WDR41: variants seen among roughly 807,000 people sequenced by gnomAD.
The protein encoded by WDR41 is WD repeat-containing protein 41.
Under a neutral mutation model 69.3 loss-of-function variants are expected in WDR41, and 63 were observed. The ratio of observed to expected loss-of-function variants is 0.91; its 90% confidence interval spans 0.74 to 1.12. The LOEUF (loss-of-function observed/expected upper bound fraction) is 1.12. Among genes scored for constraint, WDR41 ranks in the 50% most tolerant of loss-of-function variants. WDR41 has a pLI of 0.00. For synonymous variants in WDR41, 185 were observed against 192.1 expected (o/e 0.96, Z 0.31); for missense variants, 543 against 534.5 (o/e 1.02, Z -0.16).
chr5:77,613,112 G>A (rs1744597358), intron 1 of WDR41, among the ~76,000 whole-genome samples: 1 of 151,632 alleles, frequency 6.6e-6, no homozygotes, highest in Non-Finnish European at 1.5e-5. Flanking sequence ...TCTTCAAGGA[G>A]AACTACAAAC....
intron 9 of WDR41, 133 bp from the exon 10 acceptor site, chr5:77,438,494 G>C (rs1283862458): frequency 7.8e-6 from 10 of 1,288,214 alleles, no homozygotes; most frequent in Non-Finnish European, 1.0e-5. Flanking sequence ...CCAAATTACA[G>C]TACTAATCTC....
rs115828169 is a variant in WDR41, at chr5:77,450,403, A to G, written c.587-533T>C. On this transcript the variant is annotated intron_variant, in intron 7 of 12. Transcript: ENST00000296679. Reference sequence around the variant, plus strand: ...TCTGAGTATGTCTTATAATGTTTATATATCATACAGTTCTTCTGACTATAG... The same window carrying G: ...TCTGAGTATGTCTTATAATGTTTATGTATCATACAGTTCTTCTGACTATAG... Among the ~76,000 whole-genome samples, 414 of 152,336 alleles carry G rather than the reference A, an allele frequency of 2.7e-3. 2 individuals are homozygous for G. The highest frequency in any genetic ancestry group is 9.3e-3 in the African/African-American group (385 of 41,578).
At chr5:77,606,905 G>GA (rs1195622632) in intron 1 of WDR41, among the ~76,000 whole-genome samples, 4,572 of 85,638 alleles carry the variant, frequency 0.053, 77 homozygotes, top group South Asian at 0.094. Flanking sequence ...CAATGAAAAA[G>GA]AAAAAAAAAA....
intron 2 of WDR41, among the ~76,000 whole-genome samples, chr5:77,474,953 G>A (rs1030097792): frequency 6.6e-6 from 1 of 152,180 alleles, no homozygotes; most frequent in Non-Finnish European, 1.5e-5. Flanking sequence ...AGGTCAGTGG[G>A]TGCGTGCACC....
chr5:77,450,716 G>A (rs1799592939), intron 7 of WDR41, among the ~76,000 whole-genome samples: 1 of 152,192 alleles, frequency 6.6e-6, no homozygotes, highest in Non-Finnish European at 1.5e-5. Flanking sequence ...ACCAGGTGCT[G>A]TGGATGCTCA....
At chr5:77,586,141 T>C (rs1225834907) in intron 1 of WDR41, among the ~76,000 whole-genome samples, 1 of 152,096 alleles carries the variant, frequency 6.6e-6, no homozygotes, top group Non-Finnish European at 1.5e-5. Flanking sequence ...TAAATAACTT[T>C]TCATTTGCAA....
At chr5:77,611,815 G>A (rs981564225) in intron 1 of WDR41, among the ~76,000 whole-genome samples, 18 of 144,428 alleles carry the variant, frequency 1.2e-4, no homozygotes, top group African/African-American at 4.5e-4. Context: ...AGGAAATAGA[G>A]ACACAAAAAA....
intron 1 of WDR41, among the ~76,000 whole-genome samples, chr5:77,520,270 A>G (rs1478691895): frequency 6.6e-6 from 1 of 152,216 alleles, no homozygotes; most frequent in East Asian, 1.9e-4. Flanking sequence ...TAATCTCTTT[A>G]GAACCATTAT....
chr5:77,437,198 A>G lies in WDR41; in HGVS notation c.1093+138T>C, dbSNP rs1366081774. 8.4e-6 allele frequency: 6 copies of G among 711,076 alleles called. No homozygotes were observed. In the East Asian group the frequency reaches 1.0e-4, roughly 12 times the overall value. 44.0% of individuals were successfully genotyped at this position (711,076 alleles called of 1,614,324 possible). A position where few individuals can be genotyped will look rare whatever the true frequency, so the allele number is the denominator to read the frequency against. The stretch of plus-strand genomic sequence containing the variant: ...GTAAATCCTAGATCTCAATTACCAT[A>G]TGCTTTCTATAAACATCTGATGCCT... On this transcript the variant is annotated intron_variant, in intron 11 of 12. Coordinates refer to ENST00000296679, the MANE Select transcript of WDR41 (RefSeq NM_018268.4).
intron 1 of WDR41, among the ~76,000 whole-genome samples, chr5:77,592,979 C>T (rs377289173): frequency 1.3e-5 from 2 of 152,270 alleles, no homozygotes; most frequent in East Asian, 3.9e-4. Flanking sequence ...TGTCATGACC[C>T]ACATTCCCAG....
In WDR41 at chr5:77,600,762, C is replaced by T. The variant is rs577672226; in HGVS notation, c.42+19717G>A. 8.5e-5 allele frequency among the ~76,000 whole-genome samples: 13 copies of T among 152,146 alleles called. No homozygotes were observed. In the East Asian group the frequency reaches 2.5e-3, roughly 29 times the overall value. ...GGGGGCAGTGGCAGGTGCCTGTAAT[C>T]CCAACTACTCAGGAGGCTGAGGCAG... On this transcript the variant is annotated intron_variant, in intron 1 of 5. Transcript: ENST00000509971.
intron 2 of WDR41, among the ~76,000 whole-genome samples, chr5:77,487,561 T>C (rs1012379316): frequency 6.6e-6 from 1 of 152,246 alleles, no homozygotes; most frequent in Admixed American, 6.5e-5. Context: ...AGCATGGTAC[T>C]GTTTAATAAC....
chr5:77,570,525 C>G (rs1743715795), intron 1 of WDR41, among the ~76,000 whole-genome samples: 1 of 146,504 alleles, frequency 6.8e-6, no homozygotes, highest in African/African-American at 2.5e-5. Flanking sequence ...TCCTACATCA[C>G]AGATGTTGCT....
At chr5:77,586,742 C>T (rs1441225548) in intron 1 of WDR41, among the ~76,000 whole-genome samples, 5 of 128,794 alleles carry the variant, frequency 3.9e-5, no homozygotes, top group African/African-American at 1.5e-4. Flanking sequence ...TTTTTTGAGA[C>T]AGAGTCTCCC....
chr5:77,613,463 C>A (rs1461905336), intron 1 of WDR41, among the ~76,000 whole-genome samples: 4 of 151,894 alleles, frequency 2.6e-5, no homozygotes, highest in South Asian at 2.1e-4. Context: ...ATCAATGGAA[C>A]AGAACAGAGC....
In WDR41 at chr5:77,431,403, T is replaced by A. The variant is rs1798717931; in HGVS notation, c.*1732A>T. The A allele has an allele frequency of 6.6e-6, 1 of 152,226 alleles. No homozygotes were observed. The highest frequency in any genetic ancestry group is 1.5e-5 in the Non-Finnish European group (1 of 68,046). The allele number at this position is 152,226 out of a possible 1,614,324, so 9.4% of individuals were successfully genotyped here. ...AAAGTATTCTTAAGGTATGTACATT[T>A]TTTAGAAATTTAAGACTGTAGTATA... On this transcript the variant is annotated 3_prime_UTR_variant, in exon 13 of 13. Transcript: ENST00000296679.
chr5:77,586,366 G>A (rs1388356891), intron 1 of WDR41, among the ~76,000 whole-genome samples: 1 of 151,998 alleles, frequency 6.6e-6, no homozygotes, highest in Non-Finnish European at 1.5e-5. Context: ...GAGTGCAGTA[G>A]TGCAATCACA....
chr5:77,439,471 TA>T, intron 9 of WDR41, among the ~76,000 whole-genome samples: 1 of 152,344 alleles, frequency 6.6e-6, no homozygotes, highest in South Asian at 2.1e-4. Flanking sequence ...GCCAATGTAC[TA>T]AAATGGAAAG....
chr5:77,468,042 T>G (rs939487627), intron 2 of WDR41, among the ~76,000 whole-genome samples: 1 of 150,434 alleles, frequency 6.6e-6, no homozygotes, highest in Non-Finnish European at 1.5e-5. Context: ...AAAACCCAAG[T>G]TGTTAAAAAT....
Sources: gnomAD v4.1 joint callset for allele counts (sites outside exome capture counted in the v4.1 genomes callset) on GRCh38, gnomAD v4.1.1 for gene constraint, MANE v1.5 for transcripts, NCBI Gene and HGNC (gene_info 2026-07-23, HGNC 2026-07-21) for gene names.